KLRG1: variants seen among roughly 807,000 people sequenced by gnomAD.
The protein encoded by KLRG1 is killer cell lectin-like receptor subfamily G member 1.
Under a neutral mutation model 21.8 loss-of-function variants are expected in KLRG1, and 16 were observed. The observed-to-expected ratio is 0.73, with a 90% CI of 0.50 to 1.11. The LOEUF (loss-of-function observed/expected upper bound fraction) is 1.11. KLRG1 is among the 50% of genes most tolerant of loss of function. The pLI, the probability that KLRG1 is intolerant of heterozygous loss-of-function variation, is 0.00. For missense variants in KLRG1, 173 were observed against 218.3 expected (o/e 0.79, Z 1.31); for synonymous variants, 69 against 75.9 (o/e 0.91, Z 0.47).
At chr12:8,969,534 T>TA (rs368207467) in intron 1 of KLRG1, among the ~76,000 whole-genome samples, 1,554 of 146,792 alleles carry the variant, frequency 0.011, 23 homozygotes, top group African/African-American at 0.035. Flanking sequence ...TTATTTTAGT[T>TA]AAAAAAAAAA....
chr12:9,187,372 A>G, the KLRG1 span, among the ~76,000 whole-genome samples: 1 of 152,138 alleles, frequency 6.6e-6, no homozygotes, highest in Non-Finnish European at 1.5e-5. Context: ...CAAAACAACA[A>G]CACATACATT....
At chr12:8,982,716 GCT>G (rs1423955223) in intron 1 of KLRG1, among the ~76,000 whole-genome samples, 1 of 149,966 alleles carries the variant, frequency 6.7e-6, no homozygotes, top group Admixed American at 6.7e-5. Flanking sequence ...TGCGATCTTG[GCT>G]CACTGCAACC....
chr12:9,127,681 C>T, the KLRG1 span: 5 of 156,734 alleles, frequency 3.2e-5, no homozygotes, highest in African/African-American at 1.2e-4. Context: ...TTTGTGCCCT[C>T]ATCCTCCTCT....
the KLRG1 span, among the ~76,000 whole-genome samples, chr12:9,180,148 T>C: frequency 7.2e-5 from 11 of 152,274 alleles, no homozygotes; most frequent in South Asian, 2.3e-3. Context: ...ATTTATTTTA[T>C]TATACTTTAA....
At chr12:9,095,920 C>T in the KLRG1 span, among the ~76,000 whole-genome samples, 6 of 150,890 alleles carry the variant, frequency 4.0e-5, no homozygotes, top group East Asian at 1.9e-4. Flanking sequence ...CCACCGCGCC[C>T]GGCTAATTTT....
the KLRG1 span, among the ~76,000 whole-genome samples, chr12:9,215,413 A>G: frequency 9.2e-5 from 14 of 152,062 alleles, no homozygotes; most frequent in African/African-American, 3.4e-4. Flanking sequence ...TGAGAAAAAA[A>G]TTAAATTGTG....
chr12:9,170,856 C>A, the KLRG1 span, among the ~76,000 whole-genome samples: 3 of 152,122 alleles, frequency 2.0e-5, no homozygotes, highest in Non-Finnish European at 4.4e-5. The surrounding 1 kb of genome is among the most constrained non-coding windows in gnomAD (Gnocchi z 4.6). Context: ...CTCCCTGGGA[C>A]CGAGCTCCTG....
the KLRG1 span, chr12:9,093,728 G>A: frequency 2.0e-6 from 1 of 497,096 alleles, no homozygotes; most frequent in Non-Finnish European, 3.4e-6. Flanking sequence ...GGTCATCAAG[G>A]AAAGCTTCTT....
chr12:9,076,756 C>T, the KLRG1 span: 4 of 1,613,900 alleles, frequency 2.5e-6, no homozygotes, highest in Non-Finnish European at 3.4e-6. Flanking sequence ...GTGCTCTCAC[C>T]TTTCTTCACA....
chr12:9,136,464 G>A, the KLRG1 span, among the ~76,000 whole-genome samples: 4 of 152,018 alleles, frequency 2.6e-5, no homozygotes, highest in Admixed American at 6.6e-5. Flanking sequence ...TTTTTCTTCT[G>A]TAATAAATTG....
the KLRG1 span, among the ~76,000 whole-genome samples, chr12:9,091,750 A>G: frequency 6.6e-6 from 1 of 152,214 alleles, no homozygotes; most frequent in Non-Finnish European, 1.5e-5. Flanking sequence ...TTTAAATTCT[A>G]CTACTATTGT....
At chr12:9,151,694 C>T in the KLRG1 span, 1 of 1,601,420 alleles carries the variant, frequency 6.2e-7, no homozygotes, top group East Asian at 2.2e-5. Flanking sequence ...TAGAAAACTT[C>T]AGTTAAAGTT....
the KLRG1 span, chr12:9,202,227 C>T: frequency 9.5e-5 from 113 of 1,187,342 alleles, no homozygotes; most frequent in Non-Finnish European, 1.3e-4. Flanking sequence ...AAGTGTCTTT[C>T]ATCCTCTCGC....
chr12:9,188,083 G>T, the KLRG1 span, among the ~76,000 whole-genome samples: 1 of 152,130 alleles, frequency 6.6e-6, no homozygotes, highest in African/African-American at 2.4e-5. Flanking sequence ...CAAAATATTT[G>T]CAAACCAATA....
At chr12:9,118,465 T>G in the KLRG1 span, among the ~76,000 whole-genome samples, 1 of 152,162 alleles carries the variant, frequency 6.6e-6, no homozygotes, top group African/African-American at 2.4e-5. Flanking sequence ...CTGTAGCTCA[T>G]CAGATGGAAG....
chr12:9,176,548 C>T, the KLRG1 span, among the ~76,000 whole-genome samples: 1 of 152,128 alleles, frequency 6.6e-6, no homozygotes, highest in African/African-American at 2.4e-5. Context: ...TGAACTTATG[C>T]CATTATATTG....
intron 1 of KLRG1, among the ~76,000 whole-genome samples, chr12:8,991,279 T>A (rs1377626277): frequency 7.0e-6 from 1 of 141,992 alleles, no homozygotes; most frequent in Non-Finnish European, 1.6e-5. Flanking sequence ...AATTTAAAAT[T>A]TAGATTTCGG....
the KLRG1 span, among the ~76,000 whole-genome samples, chr12:9,032,332 A>G: frequency 1.3e-5 from 2 of 152,192 alleles, no homozygotes; most frequent in Admixed American, 1.3e-4. Flanking sequence ...ACAATTACCA[A>G]CAGCCCATAT....
chr12:9,024,096 C>T, the KLRG1 span, among the ~76,000 whole-genome samples: 1 of 125,546 alleles, frequency 8.0e-6, no homozygotes, highest in Non-Finnish European at 1.6e-5. Flanking sequence ...TGGGTGATCT[C>T]AGCTTACTGC....
Sources: allele counts gnomAD v4.1 joint callset (sites outside exome capture counted in the v4.1 genomes callset), GRCh38; gene constraint gnomAD v4.1.1; non-coding constraint Gnocchi (gnomAD v3.1); transcripts MANE v1.5; gene names NCBI Gene and HGNC (gene_info 2026-07-23, HGNC 2026-07-21).